SIL1: variants seen among roughly 807,000 people sequenced by gnomAD.
The protein encoded by SIL1 is nucleotide exchange factor SIL1.
SIL1 carries 40 observed loss-of-function variants against 49.1 expected under a neutral mutation model. The observed-to-expected ratio is 0.81, with a 90% CI of 0.63 to 1.06. The LOEUF is 1.06. SIL1 is among the 50% of genes least tolerant of loss of function. The probability of loss-of-function intolerance (pLI) is 0.00; values close to 1 mark genes in which losing one functional copy is unlikely to be tolerated. For synonymous variants in SIL1, 253 were observed against 250.8 expected (o/e 1.01, Z -0.08); for missense variants, 500 against 572.6 (o/e 0.87, Z 1.29).
At chr5:139,102,932 T>G (rs935581965) in intron 3 of SIL1, among the ~76,000 whole-genome samples, 7 of 152,078 alleles carry the variant, frequency 4.6e-5, no homozygotes, top group African/African-American at 1.4e-4. Context: ...CAGGCTGGTC[T>G]CAAACTCCCA....
At position 138,947,336 on chromosome 5, in the gene SIL1, G is replaced by A. The variant is rs199890503; in HGVS notation, c.1167C>T (p.Pro389=). The part of the protein sequence containing the change: ...CEITAHLLAL[P]EHDAREKVLQ... Reference sequence around the variant, plus strand: ...GCACCTTCTCACGGGCATCATGCTCGGGCAGCGCCAGGAGGTGGGCCGTGA... The same window carrying A: ...GCACCTTCTCACGGGCATCATGCTCAGGCAGCGCCAGGAGGTGGGCCGTGA... The change falls in exon 10 of 10, where the codon CCC becomes CCT. Residue 389 remains proline (P), a synonymous_variant. Transcript: ENST00000394817. The surrounding 1 kb of genome is among the most constrained non-coding windows in gnomAD (Gnocchi z 4.1). 3.8e-4 allele frequency: 620 copies of A among 1,613,562 alleles called. 3 individuals carry two copies. The highest frequency in any genetic ancestry group is 4.9e-4 in the Non-Finnish European group (582 of 1,180,028).
intron 5 of SIL1, chr5:139,035,841 G>A (rs1393738062): frequency 1.2e-5 from 2 of 164,546 alleles, no homozygotes; most frequent in Non-Finnish European, 1.3e-5. Flanking sequence ...TAGTAGAGAC[G>A]GGGTTTCACC....
At chr5:138,970,596 T>C (rs970449541) in intron 7 of SIL1, among the ~76,000 whole-genome samples, 2 of 152,138 alleles carry the variant, frequency 1.3e-5, no homozygotes, top group African/African-American at 4.8e-5. Flanking sequence ...GCCAAGGCCC[T>C]CTCTCAGCCT....
chr5:139,079,059 A>C (rs1041333892), intron 3 of SIL1, among the ~76,000 whole-genome samples: 1 of 152,252 alleles, frequency 6.6e-6, no homozygotes, highest in African/African-American at 2.4e-5. Flanking sequence ...TAATTTGAAT[A>C]ATCACAAATG....
chr5:138,972,635 G>C (rs1248969890), intron 7 of SIL1, among the ~76,000 whole-genome samples: 2 of 152,198 alleles, frequency 1.3e-5, no homozygotes, highest in African/African-American at 4.8e-5. Flanking sequence ...GAGAACCTCA[G>C]AAACTATGAC....
intron 7 of SIL1, among the ~76,000 whole-genome samples, chr5:139,010,173 T>G (rs1383426508): frequency 7.3e-4 from 106 of 144,536 alleles, no homozygotes; most frequent in Non-Finnish European, 1.2e-3. Context: ...TTTTTATTCT[T>G]TTTTCTCTAA....
At chr5:139,180,946 A>G (rs965571181) in intron 1 of SIL1, among the ~76,000 whole-genome samples, 1 of 152,208 alleles carries the variant, frequency 6.6e-6, no homozygotes, top group African/African-American at 2.4e-5. Flanking sequence ...TCTACACAGC[A>G]TCTTCTGCAA....
chr5:139,038,872 G>T (rs1242087922), intron 5 of SIL1, among the ~76,000 whole-genome samples: 1 of 152,198 alleles, frequency 6.6e-6, no homozygotes, highest in Admixed American at 6.5e-5. Context: ...TCCAAGTTGG[G>T]GGTGGAAGTA....
intron 1 of SIL1, among the ~76,000 whole-genome samples, chr5:139,188,721 G>A (rs1025836154): frequency 2.6e-5 from 4 of 152,218 alleles, no homozygotes; most frequent in Non-Finnish European, 5.9e-5. Context: ...CCCTTGATGA[G>A]CTAATTGCTT....
At chr5:139,105,223 G>A (rs1452537265) in intron 3 of SIL1, among the ~76,000 whole-genome samples, 2 of 152,174 alleles carry the variant, frequency 1.3e-5, no homozygotes, top group Non-Finnish European at 2.9e-5. Flanking sequence ...GATATGTGGG[G>A]AAGGTGGTGG....
At chr5:138,956,586 A>C (rs1415686354) in intron 7 of SIL1, among the ~76,000 whole-genome samples, 1 of 152,128 alleles carries the variant, frequency 6.6e-6, no homozygotes, top group Non-Finnish European at 1.5e-5. Context: ...TCTACTAAAA[A>C]TACAAGAGTT....
chr5:139,055,638 CTCTCCCTCTCCCCACGG>C (rs1561844840), intron 3 of SIL1, among the ~76,000 whole-genome samples: 1 of 125,578 alleles, frequency 8.0e-6, no homozygotes, highest in Non-Finnish European at 1.7e-5. Flanking sequence ...CCCTCTCCCC[CTCTCCCTCTCCCCACGG>C]TCTCCCTCTC....
chr5:139,190,580 A>G (rs551384249), intron 1 of SIL1, among the ~76,000 whole-genome samples: 2 of 152,266 alleles, frequency 1.3e-5, no homozygotes, highest in East Asian at 3.9e-4. Context: ...CAGCTCTAAC[A>G]CTAGAGTCCC....
chr5:139,010,763 G>T (rs1481172796), intron 7 of SIL1, among the ~76,000 whole-genome samples: 2 of 152,010 alleles, frequency 1.3e-5, no homozygotes, highest in African/African-American at 4.8e-5. Flanking sequence ...GTGCCTCCCA[G>T]TTAGGCTGCT....
At chr5:139,075,586 C>T (rs889817139) in intron 3 of SIL1, among the ~76,000 whole-genome samples, 1 of 152,170 alleles carries the variant, frequency 6.6e-6, no homozygotes, top group Non-Finnish European at 1.5e-5. Flanking sequence ...ACATCAGTAA[C>T]AGAGCATGTC....
At chr5:139,051,299 C>A in intron 3 of SIL1, 1 of 523,334 alleles carries the variant, frequency 1.9e-6, no homozygotes, top group South Asian at 2.0e-5. Flanking sequence ...AATCTAGAGA[C>A]CAATGTCCCC....
chr5:139,099,388 A>C (rs1364512243), intron 3 of SIL1, among the ~76,000 whole-genome samples: 2 of 152,194 alleles, frequency 1.3e-5, no homozygotes, highest in Non-Finnish European at 2.9e-5. Context: ...AAAAACTAAA[A>C]ATAGAGCTAC....
intron 3 of SIL1, among the ~76,000 whole-genome samples, chr5:139,092,062 C>T (rs150005054): frequency 5.3e-5 from 8 of 152,250 alleles, no homozygotes; most frequent in African/African-American, 1.9e-4. Context: ...CCCTCCTTGC[C>T]TGACCATCCA....
chr5:139,041,558 C>T (rs1273927856), intron 5 of SIL1, among the ~76,000 whole-genome samples: 1 of 152,120 alleles, frequency 6.6e-6, no homozygotes, highest in African/African-American at 2.4e-5. Flanking sequence ...AATCCTAGCA[C>T]TTTGGGAGGC....
Sources: allele counts gnomAD v4.1 joint callset (sites outside exome capture counted in the v4.1 genomes callset), GRCh38; gene constraint gnomAD v4.1.1; non-coding constraint Gnocchi (gnomAD v3.1); transcripts MANE v1.5; gene names NCBI Gene and HGNC (gene_info 2026-07-23, HGNC 2026-07-21).